The following ABLIM1 variants were observed in gnomAD, a reference collection of about 807,000 sequenced individuals.
The protein encoded by ABLIM1 is actin-binding LIM protein 1.
Under a neutral mutation model 107.0 loss-of-function variants are expected in ABLIM1, and 40 were observed. The ratio of observed to expected loss-of-function variants is 0.37; its 90% confidence interval spans 0.29 to 0.49. The LOEUF is 0.49. Among genes scored for constraint, ABLIM1 ranks in the 20% least tolerant of loss-of-function variants. The probability of loss-of-function intolerance (pLI) is 0.97; values close to 1 mark genes in which losing one functional copy is unlikely to be tolerated. For synonymous variants in ABLIM1, 357 were observed against 357.3 expected (o/e 1.00, Z 0.01); for missense variants, 857 against 1,008.5 (o/e 0.85, Z 2.04).
chr10:114,436,360 G>A lies in ABLIM1; in HGVS notation c.2237C>T (p.Pro746Leu). Residue 746 changes from proline to leucine, a missense_variant, in exon 23 of 23, where the codon CCT becomes CTT. Physicochemically the swap from Pro to Leu is moderately conservative, Grantham distance 98 (BLOSUM62 -3). Around this residue, in one of 5 missense-constraint regions of ABLIM1, gnomAD observed 193 missense variants for 208.5 expected, o/e 0.93. Transcript: ENST00000533213. ...DRTRLERHLA[P>L]EVFREIFGMS... ...TCCAAAGATTTCCCGAAACACTTCAGGGGCTAAGTGGCGCTGGGAAGAAGA... is the reference window on the plus strand; with the variant it reads ...TCCAAAGATTTCCCGAAACACTTCAAGGGCTAAGTGGCGCTGGGAAGAAGA... The A allele has an allele frequency of 6.2e-7, 1 of 1,613,216 alleles. No homozygotes were observed. The highest frequency in any genetic ancestry group is 8.5e-7 in the Non-Finnish European group (1 of 1,179,638).
intron 6 of ABLIM1, among the ~76,000 whole-genome samples, chr10:114,496,139 T>C (rs11816035): frequency 0.26 from 39,727 of 152,088 alleles, 5,481 homozygotes; most frequent in Middle Eastern, 0.33. Context: ...TGGGCAGGCA[T>C]AGGAGAGTCA....
chr10:114,552,196 G>A (rs1471697137), intron 4 of ABLIM1, among the ~76,000 whole-genome samples: 3 of 152,178 alleles, frequency 2.0e-5, no homozygotes, highest in African/African-American at 7.2e-5. Context: ...GGAGAGAGTG[G>A]AAAAGATGCA....
chr10:114,773,910 G>A, the ABLIM1 span, among the ~76,000 whole-genome samples: 1 of 150,568 alleles, frequency 6.6e-6, no homozygotes, highest in Non-Finnish European at 1.5e-5. Context: ...CCATTAAAAA[G>A]TATGAGATAG....
At chr10:114,749,483 C>CACACACACACACAT (rs540676948) in intron 1 of ABLIM1, among the ~76,000 whole-genome samples, 55 of 150,702 alleles carry the variant, frequency 3.6e-4, no homozygotes, top group Non-Finnish European at 5.6e-4. Context: ...CACACACACA[C>CACACACACACACAT]ACCACAAAAC....
At chr10:114,545,403 T>C (rs2067200190) in intron 5 of ABLIM1, among the ~76,000 whole-genome samples, 1 of 152,100 alleles carries the variant, frequency 6.6e-6, no homozygotes, top group African/African-American at 2.4e-5. Flanking sequence ...GGCAGCATTC[T>C]CTCTCCACAG....
At chr10:114,513,999 T>A (rs2062366902) in intron 6 of ABLIM1, among the ~76,000 whole-genome samples, 1 of 152,228 alleles carries the variant, frequency 6.6e-6, no homozygotes, top group African/African-American at 2.4e-5. Context: ...GCATCTGTCC[T>A]ACAGGCTCCA....
At chr10:114,695,217 T>G (rs2081170567) in intron 1 of ABLIM1, among the ~76,000 whole-genome samples, 1 of 152,196 alleles carries the variant, frequency 6.6e-6, no homozygotes, top group Non-Finnish European at 1.5e-5. Context: ...GCATAATACT[T>G]AAGTATCTAA....
At chr10:114,769,422 G>GGAAAGAAAGAAAGAAAGAAA (rs201904899), upstream of ABLIM1, among the ~76,000 whole-genome samples, 3 of 51,872 alleles carry the variant, frequency 5.8e-5, no homozygotes, top group East Asian at 3.5e-4. Context: ...AAGAAAAGAA[G>GGAAAGAAAGAAAGAAAGAAA]GAAAGAAAGA....
intron 22 of ABLIM1, among the ~76,000 whole-genome samples, chr10:114,437,431 G>T (rs1006953384): frequency 1.3e-5 from 2 of 150,730 alleles, no homozygotes; most frequent in Non-Finnish European, 2.9e-5. Context: ...CGATTCTCCT[G>T]CCTCAGCCTC....
At chr10:114,646,734 G>T (rs1000589445) in intron 1 of ABLIM1, among the ~76,000 whole-genome samples, 9 of 152,288 alleles carry the variant, frequency 5.9e-5, no homozygotes, top group Admixed American at 5.9e-4. Context: ...TTCAGCAGCT[G>T]CTGCCACATA....
chr10:114,547,097 T>A (rs371124057), intron 5 of ABLIM1, among the ~76,000 whole-genome samples: 2 of 151,582 alleles, frequency 1.3e-5, no homozygotes, highest in Non-Finnish European at 2.9e-5. Context: ...AGCAGGAAAA[T>A]TTTTTTTAAG....
At chr10:114,774,628 A>C in the ABLIM1 span, among the ~76,000 whole-genome samples, 1 of 152,192 alleles carries the variant, frequency 6.6e-6, no homozygotes, top group East Asian at 1.9e-4. Flanking sequence ...ACTGAGAAAA[A>C]AGTTGGACTG....
intron 1 of ABLIM1, among the ~76,000 whole-genome samples, chr10:114,605,682 C>T (rs995297379): frequency 2.6e-5 from 4 of 152,162 alleles, no homozygotes; most frequent in Admixed American, 1.3e-4. Context: ...TGGCTGCACA[C>T]TCTCTGAACA....
intron 1 of ABLIM1, among the ~76,000 whole-genome samples, chr10:114,709,318 G>A (rs1197177411): frequency 2.0e-5 from 3 of 152,162 alleles, no homozygotes; most frequent in African/African-American, 4.8e-5. Context: ...GGTTTGAATC[G>A]TATAAAGCAG....
At chr10:114,522,922 G>T (rs2063980137) in intron 6 of ABLIM1, among the ~76,000 whole-genome samples, 1 of 152,164 alleles carries the variant, frequency 6.6e-6, no homozygotes, top group Admixed American at 6.5e-5. Context: ...AGGCTGAAGC[G>T]GGTGGATCAC....
intron 4 of ABLIM1, among the ~76,000 whole-genome samples, chr10:114,551,423 C>T (rs1472385368): frequency 1.3e-5 from 2 of 152,030 alleles, no homozygotes; most frequent in African/African-American, 4.8e-5. Flanking sequence ...ACACTCTATA[C>T]AAATGAAGGA....
chr10:114,535,932 C>T (rs1388730392), intron 6 of ABLIM1, among the ~76,000 whole-genome samples: 3 of 152,108 alleles, frequency 2.0e-5, no homozygotes. Flanking sequence ...GGACTTAAGT[C>T]TGACAGATTT....
chr10:114,545,818 C>G (rs1034239192), intron 5 of ABLIM1, among the ~76,000 whole-genome samples: 10 of 151,178 alleles, frequency 6.6e-5, no homozygotes, highest in Non-Finnish European at 1.2e-4. Context: ...TAAGTCCCAG[C>G]TACCCAGAAG....
intron 1 of ABLIM1, among the ~76,000 whole-genome samples, chr10:114,747,612 G>A (rs1047707326): frequency 6.6e-6 from 1 of 152,218 alleles, no homozygotes; most frequent in Admixed American, 6.5e-5. Context: ...ACACAGAATA[G>A]ACTAGAAAGG....
Sources: gnomAD v4.1 joint callset for allele counts (sites outside exome capture counted in the v4.1 genomes callset) on GRCh38, gnomAD v4.1.1 for gene constraint, gnomAD v4.1.1 regional missense constraint, MANE v1.5 for transcripts, NCBI Gene and HGNC (gene_info 2026-07-23, HGNC 2026-07-21) for gene names.